Variants in PTGIR observed in about 807,000 individuals in gnomAD.
PTGIR encodes the protein prostacyclin receptor.
In PTGIR, 16 loss-of-function variants were observed where a neutral mutation model predicts 17.6. The observed-to-expected ratio is 0.91, with a 90% CI of 0.61 to 1.38. The LOEUF is 1.38. Among genes scored for constraint, PTGIR ranks in the 40% most tolerant of loss-of-function variants. PTGIR has a pLI of 0.00. For missense variants in PTGIR, 532 were observed against 548.6 expected, an observed-to-expected ratio of 0.97 and a Z score of 0.30; for synonymous variants, 274 against 255.4, an observed-to-expected ratio of 1.07 and a Z score of -0.69.
downstream of PTGIR, among the ~76,000 whole-genome samples, chr19:46,619,586 A>T (rs1480302099): frequency 1.0e-4 from 13 of 125,952 alleles, no homozygotes; most frequent in East Asian, 2.3e-4. Flanking sequence ...AGAGAGAGAA[A>T]GAAAGAAAAG....
At chr19:46,615,589 T>C (rs1971950699), downstream of PTGIR, among the ~76,000 whole-genome samples, 2 of 152,000 alleles carry the variant, frequency 1.3e-5, no homozygotes, top group South Asian at 2.1e-4. Flanking sequence ...CACTGCAAGC[T>C]CCACCTCCCC....
At chr19:46,614,872 T>G in the PTGIR span, among the ~76,000 whole-genome samples, 1 of 152,078 alleles carries the variant, frequency 6.6e-6, no homozygotes, top group Non-Finnish European at 1.5e-5. Context: ...AATACAAAAA[T>G]TAGCCAGGCG....
rs1222392715 is a variant in PTGIR, at chr19:46,623,755, G to A, written c.471C>T (p.Gly157=). ...GGCAGTACTGCTGGTGTTGGCCCAG[G>A]CCCAGCAGGGGCAGCGCGCAGAAGA... ...CVLFCALPLL[G]LGQHQQYCPG... Residue 157 remains glycine, a synonymous_variant, in exon 2 of 3, where the codon GGC becomes GGT. Coordinates refer to ENST00000291294, the MANE Select transcript of PTGIR (RefSeq NM_000960.4). 6.2e-7 allele frequency: 1 copy of A among 1,601,422 alleles called. No homozygotes were observed. The highest frequency in any genetic ancestry group is 8.5e-7 in the Non-Finnish European group (1 of 1,176,768).
At chr19:46,619,651 AAGAAAAGAAAGAAAGAAAGAAAG>A (rs1164199126), downstream of PTGIR, among the ~76,000 whole-genome samples, 92 of 136,600 alleles carry the variant, frequency 6.7e-4, 1 homozygote, top group African/African-American at 2.4e-3. Flanking sequence ...GAAAGAAAGA[AAGAAAAGAAAGAAAGAAAGAAAG>A]AGGATTTATA....
the PTGIR span, among the ~76,000 whole-genome samples, chr19:46,614,966 G>A: frequency 1.1e-4 from 16 of 152,144 alleles, no homozygotes; most frequent in South Asian, 2.1e-4. Flanking sequence ...AGGTTGGAGC[G>A]AGCTGAGATA....
rs28590598 is a variant in PTGIR at position 46,621,485 on chromosome 19, G to C, written c.956C>G (p.Ser319Trp). 5.1e-3 allele frequency: 8,163 copies of C among 1,614,178 alleles called. 326 individuals are homozygous for C. The African/African-American group carries it at 0.091, about 18-fold the overall frequency. The change falls in exon 3 of 3, where the codon TCG (serine) becomes TGG (tryptophan). Residue 319 changes from serine (S) to tryptophan (W), a missense_variant. Transcript: ENST00000291294. This position sits in a 1 kb window ranked among gnomAD's most constrained non-coding sequence, Gnocchi z 4.8. Reference protein sequence around the residue: ...CLCLGPAHGDSQTPLSQLASG... With the variant: ...CLCLGPAHGDWQTPLSQLASG... ...GGCGAGCTGGGAAAGGGGTGTCTGC[G>C]AGTCTCCGTGGGCAGGCCCGAGGCA...
chr19:46,621,709 A>G lies in PTGIR; in HGVS notation c.769-37T>C. 2 of 1,579,452 alleles carry G rather than the reference A, an allele frequency of 1.3e-6. No individual in the cohort carries two copies. Among genetic ancestry groups the G allele is most frequent in the Non-Finnish European group, 1.7e-6 (2 of 1,160,820 alleles). Reference sequence around the variant, plus strand: ...GTGAGGGCGTCAAGGAGCACCCAGGAGTCCTCAGCCTCCCCACCCTGGCTC... The same window carrying G: ...GTGAGGGCGTCAAGGAGCACCCAGGGGTCCTCAGCCTCCCCACCCTGGCTC... On this transcript the variant is annotated intron_variant, in intron 2 of 2. Coordinates refer to ENST00000291294, the MANE Select transcript of PTGIR (RefSeq NM_000960.4). The surrounding 1 kb of genome is among the most constrained non-coding windows in gnomAD (Gnocchi z 4.8).
At position 46,623,672 on chromosome 19, in the gene PTGIR, G is replaced by A. The variant is rs750234183; in HGVS notation, c.554C>T (p.Ser185Leu). ...GGCCACCAGGCCGGCGTAGGCCAGC[G>A]AGAAGGCGGCGCCGCCCGGCTGGGC... ...RWAQPGGAAF[S>L]LAYAGLVALL... Residue 185 changes from serine (S) to leucine (L), a missense_variant, in exon 2 of 3, where the codon TCG (serine) becomes TTG (leucine). Physicochemically the swap from Ser to Leu is moderately radical, Grantham distance 145. Transcript: ENST00000291294. 43 of 1,550,272 alleles carry A rather than the reference G, an allele frequency of 2.8e-5. No individual in the cohort carries two copies. Among genetic ancestry groups the A allele is most frequent in the East Asian group, 4.8e-5 (2 of 41,656 alleles).
intron 2 of PTGIR, 115 bp downstream of exon 2, chr19:46,623,343 T>C (rs2052752785): frequency 7.9e-7 from 1 of 1,258,706 alleles, no homozygotes; most frequent in Non-Finnish European, 1.1e-6. Flanking sequence ...TGAGCCACCA[T>C]GCCCACGATG....
chr19:46,620,611 A>ACC lies in PTGIR; in HGVS notation c.*667_*668dup, dbSNP rs113952362. The ACC allele has an allele frequency of 3.0e-3, 2,952 of 983,680 alleles. 59 individuals carry two copies. In the African/African-American group the frequency reaches 0.047, roughly 16 times the overall value. 60.9% of individuals were successfully genotyped at this position (983,680 alleles called of 1,614,324 possible). ...CTCCATCTGTCTCCCCACCACCTGC[A>ACC]CCCCCCCAGTTCTCATCTTGCAGCC... On this transcript the variant is annotated 3_prime_UTR_variant, in exon 3 of 3. Transcript: ENST00000291294.
Position 46,621,419 on chromosome 19 carries a change from C to T in PTGIR, c.1022G>A (p.Gly341Glu). The change falls in exon 3 of 3, where the codon GGA becomes GAA. Residue 341 changes from glycine to glutamate, a missense_variant. Gly to Glu is a moderately conservative substitution (Grantham distance 98). Transcript: ENST00000291294. The surrounding 1 kb of genome is among the most constrained non-coding windows in gnomAD (Gnocchi z 4.8). ...RDPRAPSAPV[G>E]KEGSCVPLSA... ...CAAAGGCACGCAGCTCCCCTCCTTT[C>T]CCACAGGAGCAGAGGGGGCCCTTGG... The T allele has an allele frequency of 6.2e-7, 1 of 1,609,630 alleles. No homozygotes were observed. The highest frequency in any genetic ancestry group is 8.5e-7 in the Non-Finnish European group (1 of 1,176,736).
intron 2 of PTGIR, chr19:46,623,254 C>A (rs931307567): frequency 2.0e-5 from 11 of 541,602 alleles, no homozygotes; most frequent in African/African-American, 2.0e-4. Context: ...GCCTCGGCCT[C>A]CCAAAGTGCT....
At chr19:46,619,543 AAGAAAGAGAGAGAGAGAGAG>A (rs1261185492), downstream of PTGIR, among the ~76,000 whole-genome samples, 14 of 68,708 alleles carry the variant, frequency 2.0e-4, no homozygotes, top group East Asian at 8.2e-4. Context: ...GAAAGAAAGA[AAGAAAGAGAGAGAGAGAGAG>A]AGAGAGAGAG....
At chr19:46,616,299 G>A (rs1316604801), downstream of PTGIR, among the ~76,000 whole-genome samples, 1 of 140,766 alleles carries the variant, frequency 7.1e-6, no homozygotes, top group Non-Finnish European at 1.5e-5. Context: ...GATGCCCCAA[G>A]TTGGAGGTGT....
chr19:46,616,201 C>T (rs957241154), downstream of PTGIR, among the ~76,000 whole-genome samples: 4 of 151,918 alleles, frequency 2.6e-5, no homozygotes, highest in Non-Finnish European at 5.9e-5. Flanking sequence ...CCAGTGGGCA[C>T]GAGGCAGCCT....
At position 46,625,005 on chromosome 19, in the gene PTGIR, T is replaced by A. The variant is rs1186803582; in HGVS notation, c.-21A>T. 1 of 154,916 alleles carries A rather than the reference T, an allele frequency of 6.5e-6. No individual in the cohort carries two copies. The highest frequency in any genetic ancestry group is 1.4e-5 in the Non-Finnish European group (1 of 69,958). 9.6% of individuals were successfully genotyped at this position (154,916 alleles called of 1,614,324 possible). A position where few individuals can be genotyped will look rare whatever the true frequency, so the allele number is the denominator to read the frequency against. On this transcript the variant is annotated 5_prime_UTR_variant, in exon 1 of 3. Coordinates refer to ENST00000291294, the MANE Select transcript of PTGIR (RefSeq NM_000960.4). The surrounding 1 kb of genome is among the most constrained non-coding windows in gnomAD (Gnocchi z 4.9). Reference sequence around the variant, plus strand: ...CCAGCCCCTCACCGCACCTCTCCAGTCTTGCCCAGGCTCTCCTGTCCCGTG... The same window carrying A: ...CCAGCCCCTCACCGCACCTCTCCAGACTTGCCCAGGCTCTCCTGTCCCGTG...
rs2052758762 is a variant in PTGIR, at chr19:46,623,632, G to A, written c.594C>T (p.Ala198=). ...TGACCGAGCCGTTGCAGAGGAAGAT[G>A]GCAGCCACCAGCAGGGCCACCAGGC... ...YAGLVALLVA[A]IFLCNGSVTL... is the part of the protein sequence containing the mutation. Residue 198 remains alanine, a synonymous_variant, in exon 2 of 3, where the codon GCC becomes GCT. Transcript: ENST00000291294. 6 of 1,549,418 alleles carry A rather than the reference G, an allele frequency of 3.9e-6. No individual in the cohort carries two copies. The South Asian group carries it at 5.9e-5, about 15-fold the overall frequency.
At chr19:46,611,031 G>A in the PTGIR span, among the ~76,000 whole-genome samples, 37 of 152,186 alleles carry the variant, frequency 2.4e-4, no homozygotes, top group African/African-American at 8.2e-4. Context: ...ACTGAAAGGC[G>A]GGGACTGAGA....
chr19:46,621,933 C>T lies in PTGIR; in HGVS notation c.769-261G>A, dbSNP rs1052169673. The stretch of plus-strand genomic sequence containing the variant: ...CACCCTTGGAAGCTGGGAGGACCCT[C>T]GGGCTCCACAGATTTTTGAGTATAA... On this transcript the variant is annotated intron_variant, in intron 2 of 2. Coordinates refer to ENST00000291294, the MANE Select transcript of PTGIR (RefSeq NM_000960.4). This position sits in a 1 kb window ranked among gnomAD's most constrained non-coding sequence, Gnocchi z 4.8. 3.0e-5 allele frequency: 38 copies of T among 1,267,558 alleles called. No homozygotes were observed. The East Asian group carries it at 3.5e-4, about 12-fold the overall frequency. The allele number at this position is 1,267,558 out of a possible 1,614,324, so 78.5% of individuals were successfully genotyped here.
Sources: gnomAD v4.1 joint callset for allele counts (sites outside exome capture counted in the v4.1 genomes callset) on GRCh38, gnomAD v4.1.1 for gene constraint, Gnocchi (gnomAD v3.1) non-coding constraint, MANE v1.5 for transcripts, NCBI Gene and HGNC (gene_info 2026-07-23, HGNC 2026-07-21) for gene names.